The following CBR4 variants were observed in gnomAD, a reference collection of about 807,000 sequenced individuals.
The protein encoded by CBR4 is 3-oxoacyl-[acyl-carrier-protein] reductase.
In CBR4, 22 loss-of-function variants were observed where a neutral mutation model predicts 21.0. The ratio of observed to expected loss-of-function variants is 1.05; its 90% CI spans 0.75 to 1.50. The LOEUF (loss-of-function observed/expected upper bound fraction) is 1.50, where lower values mean the gene tolerates loss of function less well. Among genes scored for constraint, CBR4 ranks in the 40% most tolerant of loss-of-function variants. The pLI is 0.00. For synonymous variants in CBR4, 100 were observed against 104.4 expected (o/e 0.96, Z 0.26); for missense variants, 302 against 286.3 (o/e 1.05, Z -0.40).
At chr4:168,897,978 T>A (rs1190639171) in intron 2 of CBR4, 1 of 152,318 alleles carries the variant, frequency 6.6e-6, no homozygotes, top group East Asian at 1.9e-4. Flanking sequence ...TTTTTTTTTC[T>A]ATTATTCTTT....
intron 2 of CBR4, among the ~76,000 whole-genome samples, chr4:168,946,906 G>T (rs78119439): frequency 6.6e-6 from 1 of 152,080 alleles, no homozygotes; most frequent in African/African-American, 2.4e-5. Flanking sequence ...ACTACTACCC[G>T]CAATCCCAAC....
chr4:168,956,343 C>T (rs1352161283), intron 2 of CBR4, among the ~76,000 whole-genome samples: 2 of 151,964 alleles, frequency 1.3e-5, no homozygotes, highest in Non-Finnish European at 2.9e-5. Flanking sequence ...CAGTGGCTCA[C>T]ACCTGTAATC....
chr4:168,922,447 T>C (rs1296279445), intron 2 of CBR4, among the ~76,000 whole-genome samples: 1 of 152,230 alleles, frequency 6.6e-6, no homozygotes, highest in Middle Eastern at 3.2e-3. Flanking sequence ...CACATGAGCC[T>C]TATGAGATAA....
chr4:168,903,156 GACAA>G (rs34010675), intron 2 of CBR4, among the ~76,000 whole-genome samples: 2,596 of 152,204 alleles, frequency 0.017, 60 homozygotes, highest in African/African-American at 0.043. Flanking sequence ...GGGGATAGGT[GACAA>G]ACATTTAACC....
downstream of CBR4, among the ~76,000 whole-genome samples, chr4:168,984,809 G>C (rs981156252): frequency 3.3e-5 from 5 of 152,060 alleles, no homozygotes; most frequent in African/African-American, 1.2e-4. Context: ...CAAGCAATGG[G>C]GAAAGGACTT....
downstream of CBR4, among the ~76,000 whole-genome samples, chr4:168,985,000 A>C (rs1213801005): frequency 6.6e-6 from 1 of 152,108 alleles, no homozygotes; most frequent in Non-Finnish European, 1.5e-5. Context: ...ACATGGGCCC[A>C]GGTAAAAACT....
intron 3 of CBR4, among the ~76,000 whole-genome samples, chr4:169,003,122 T>C (rs574877132): frequency 1.6e-4 from 25 of 152,334 alleles, no homozygotes; most frequent in African/African-American, 6.0e-4. Context: ...TCAAGTCTTA[T>C]TTAAGAAACA....
rs934118580 is a variant in CBR4, at chr4:168,900,222, C to T, written n.170-5457G>A. Among the ~76,000 whole-genome samples the T allele has an allele frequency of 4.6e-5, 7 of 152,192 alleles. 1 individual carries two copies. Among genetic ancestry groups the T allele is most frequent in the African/African-American group, 1.7e-4 (7 of 41,450 alleles). ...ACCCCATGATCCCGTCACCTCCCGC[C>T]AGGCCCCACCTCCAACACTGGGAGT... On this transcript the variant is annotated intron_variant and non_coding_transcript_variant, in intron 2 of 3. Coordinates refer to the CBR4 transcript ENST00000509108.
intron 2 of CBR4, among the ~76,000 whole-genome samples, chr4:168,975,271 C>G (rs1409415805): frequency 1.3e-5 from 2 of 152,192 alleles, no homozygotes; most frequent in Admixed American, 6.5e-5. Context: ...TTCAGGTCTC[C>G]CAGCCATGGA....
At chr4:169,008,849 CAG>C in intron 1 of CBR4, 1 of 399,404 alleles carries the variant, frequency 2.5e-6, no homozygotes, top group Admixed American at 3.5e-5. Context: ...CTATAACTTA[CAG>C]AATCTTTTTT....
intron 2 of CBR4, among the ~76,000 whole-genome samples, chr4:168,979,682 G>A (rs954597022): frequency 6.6e-6 from 1 of 152,060 alleles, no homozygotes; most frequent in Non-Finnish European, 1.5e-5. Context: ...TTCCCTATGA[G>A]CCCCCACCGC....
chr4:168,938,253 C>A (rs1456965231), intron 2 of CBR4, among the ~76,000 whole-genome samples: 1 of 152,166 alleles, frequency 6.6e-6, no homozygotes, highest in East Asian at 1.9e-4. Flanking sequence ...TAAATAAGTT[C>A]TTTGAAACTA....
At chr4:168,995,021 T>C (rs906048138) in intron 4 of CBR4, among the ~76,000 whole-genome samples, 1 of 152,178 alleles carries the variant, frequency 6.6e-6, no homozygotes, top group Admixed American at 6.5e-5. Context: ...CCCAAAGTAC[T>C]GGGATTACAG....
At chr4:168,933,114 T>G (rs1211196612) in intron 2 of CBR4, among the ~76,000 whole-genome samples, 2 of 152,026 alleles carry the variant, frequency 1.3e-5, no homozygotes, top group Admixed American at 1.3e-4. Context: ...GAAAGGAATA[T>G]ACAACCGGAA....
At chr4:168,939,128 CAAG>C (rs1421129028) in intron 2 of CBR4, among the ~76,000 whole-genome samples, 1 of 152,200 alleles carries the variant, frequency 6.6e-6, no homozygotes, top group Non-Finnish European at 1.5e-5. Flanking sequence ...CCATGGGATG[CAAG>C]GCTGCTTCAA....
At chr4:168,934,433 A>G (rs970971575) in intron 2 of CBR4, among the ~76,000 whole-genome samples, 2 of 152,026 alleles carry the variant, frequency 1.3e-5, no homozygotes, top group Non-Finnish European at 2.9e-5. Flanking sequence ...AACAAAATCA[A>G]CTAGCCACTA....
At chr4:168,924,529 T>G (rs1221714606) in intron 2 of CBR4, 4 of 1,074,042 alleles carry the variant, frequency 3.7e-6, no homozygotes, top group Non-Finnish European at 5.7e-6. Flanking sequence ...CACATAGATG[T>G]TTTGATTTTT....
At chr4:168,959,685 CCTCCTGAGT>C (rs1452739991) in intron 2 of CBR4, among the ~76,000 whole-genome samples, 4 of 150,952 alleles carry the variant, frequency 2.6e-5, no homozygotes, top group African/African-American at 9.8e-5. Flanking sequence ...CCTGCCTCAG[CCTCCTGAGT>C]AGCTGGAATT....
At chr4:168,916,580 T>C (rs1327278260) in intron 2 of CBR4, among the ~76,000 whole-genome samples, 1 of 152,224 alleles carries the variant, frequency 6.6e-6, no homozygotes, top group Non-Finnish European at 1.5e-5. Flanking sequence ...CCTTTAAATG[T>C]TGAAATAATA....
Sources: allele counts gnomAD v4.1 joint callset (sites outside exome capture counted in the v4.1 genomes callset), GRCh38; gene constraint gnomAD v4.1.1; transcripts MANE v1.5; gene names NCBI Gene and HGNC (gene_info 2026-07-23, HGNC 2026-07-21).